The following ARMC10 variants were observed in gnomAD, a reference collection of about 807,000 sequenced individuals.
The protein encoded by ARMC10 is armadillo repeat-containing protein 10.
Under a neutral mutation model 30.2 loss-of-function variants are expected in ARMC10, and 23 were observed. The ratio of observed to expected loss-of-function variants is 0.76; its 90% CI spans 0.55 to 1.08. The LOEUF is 1.08. ARMC10 is among the 50% of genes least tolerant of loss of function. The probability of loss-of-function intolerance (pLI) is 0.00; values close to 1 mark genes in which losing one functional copy is unlikely to be tolerated. For synonymous variants in ARMC10, 111 were observed against 164.4 expected, an observed-to-expected ratio of 0.68 and a Z score of 2.48; for missense variants, 303 against 413.7, an observed-to-expected ratio of 0.73 and a Z score of 2.32.
chr7:103,089,576 C>G (rs556890982), intron 4 of ARMC10: 1 of 165,366 alleles, frequency 6.0e-6, no homozygotes, highest in South Asian at 1.7e-4. Context: ...TTCAAACACT[C>G]TAACAGCTCT....
chr7:103,076,701 G>C (rs1460438082), intron 2 of ARMC10, among the ~76,000 whole-genome samples: 2 of 152,110 alleles, frequency 1.3e-5, no homozygotes, highest in African/African-American at 4.8e-5. Flanking sequence ...CGGGCTTGGC[G>C]GTGGGTGCCT....
At chr7:103,084,048 A>T (rs1402068380) in intron 3 of ARMC10, 2 of 1,500,130 alleles carry the variant, frequency 1.3e-6, no homozygotes, top group Non-Finnish European at 1.8e-6. Context: ...GAAGTTGGTC[A>T]CTGGCATCAC....
At chr7:103,078,954 A>G (rs994958384) in intron 2 of ARMC10, among the ~76,000 whole-genome samples, 1 of 152,224 alleles carries the variant, frequency 6.6e-6, no homozygotes, top group Non-Finnish European at 1.5e-5. Context: ...GGCTGCAGTA[A>G]GCTGTGATTG....
At chr7:103,076,053 T>A (rs1415197432) in intron 2 of ARMC10, among the ~76,000 whole-genome samples, 172 bp downstream of exon 2, 1 of 152,194 alleles carries the variant, frequency 6.6e-6, no homozygotes, top group African/African-American at 2.4e-5. Flanking sequence ...ATATCTGCCA[T>A]CCAAGAAACT....
rs953553022 is a variant in ARMC10, at chr7:103,082,430, G to T, written c.245-1252G>T. ...CAAAAAAAAAAAAAAGTACTGTTGA[G>T]TACAGGGTAGAAAATAAAAGTCCTT... On this transcript the variant is annotated intron_variant, in intron 2 of 6. Transcript: ENST00000323716. 2.0e-5 allele frequency among the ~76,000 whole-genome samples: 3 copies of T among 148,716 alleles called. No homozygotes were observed. The East Asian group carries it at 5.9e-4, about 29-fold the overall frequency.
intron 4 of ARMC10, among the ~76,000 whole-genome samples, chr7:103,091,748 G>A (rs1156419825): frequency 6.6e-6 from 1 of 152,192 alleles, no homozygotes; most frequent in Non-Finnish European, 1.5e-5. Flanking sequence ...AAACCGAAAG[G>A]TGGACTAAGA....
Position 103,083,728 on chromosome 7 carries a change from A to G in ARMC10, c.291A>G (p.Gln97=), listed in dbSNP as rs1253379050. 6.2e-7 allele frequency: 1 copy of G among 1,613,494 alleles called. No individual in the cohort carries two copies. The highest frequency in any genetic ancestry group is 8.5e-7 in the Non-Finnish European group (1 of 1,179,418). Reference sequence around the variant, plus strand: ...ATGATGATGTTCTAAATGCTGAACAACTTCAGAAACTCCTTTACCTGCTGG... The same window carrying G: ...ATGATGATGTTCTAAATGCTGAACAGCTTCAGAAACTCCTTTACCTGCTGG... ...GSYDDVLNAE[Q]LQKLLYLLES... The change falls in exon 3 of 7, where the codon CAA becomes CAG. Residue 97 remains glutamine (Q), a synonymous_variant. Transcript: ENST00000323716.
intron 2 of ARMC10, among the ~76,000 whole-genome samples, chr7:103,076,756 A>C (rs1799890327): frequency 6.6e-6 from 1 of 152,126 alleles, no homozygotes; most frequent in African/African-American, 2.4e-5. Context: ...AATCACTTGA[A>C]CCCAGGAGGC....
intron 3 of ARMC10, 133 bp downstream of exon 3, chr7:103,083,963 AAC>A (rs2129521591): frequency 6.8e-7 from 1 of 1,471,000 alleles, no homozygotes; most frequent in African/African-American, 1.4e-5. Flanking sequence ...TTATACTTAA[AAC>A]ATAATGTTTG....
At chr7:103,097,719 C>G (rs900753804) in intron 6 of ARMC10, among the ~76,000 whole-genome samples, 1 of 152,142 alleles carries the variant, frequency 6.6e-6, no homozygotes, top group African/African-American at 2.4e-5. Context: ...TGAGACACAC[C>G]AGTGAGCACA....
chr7:103,083,102 AAGG>A (rs1485651445), intron 2 of ARMC10: 14 of 456,610 alleles, frequency 3.1e-5, no homozygotes, highest in Non-Finnish European at 5.3e-5. Flanking sequence ...TCGTTTTTAA[AAGG>A]AGAAGCAAAA....
chr7:103,087,927 T>C, intron 4 of ARMC10: 1 of 259,534 alleles, frequency 3.9e-6, no homozygotes, highest in Non-Finnish European at 6.0e-6. Flanking sequence ...GTGAGCTTAT[T>C]AATTTCAATA....
chr7:103,081,625 T>A (rs928356927), intron 2 of ARMC10, among the ~76,000 whole-genome samples: 1 of 152,270 alleles, frequency 6.6e-6, no homozygotes, highest in Non-Finnish European at 1.5e-5. Flanking sequence ...TCTGCCCGCC[T>A]CAGCCTCCCA....
At chr7:103,080,778 C>T (rs1388283235) in intron 2 of ARMC10, among the ~76,000 whole-genome samples, 2 of 151,912 alleles carry the variant, frequency 1.3e-5, no homozygotes, top group Admixed American at 6.6e-5. Context: ...CAGGCATGTG[C>T]CACCATGCCT....
In ARMC10 at chr7:103,080,289, C is replaced by T. The variant is rs895978416; in HGVS notation, c.245-3393C>T. ...TGTTGTTTTGAGATGGAGTGTTGCT[C>T]TGTCGCCCAGGCTGGAGTGCTGTGG... On this transcript the variant is annotated intron_variant, in intron 2 of 6. Coordinates refer to ENST00000323716, the MANE Select transcript of ARMC10 (RefSeq NM_031905.5). Among the ~76,000 whole-genome samples the T allele has an allele frequency of 3.9e-5, 6 of 152,196 alleles. 1 individual carries two copies. The highest frequency in any genetic ancestry group is 2.0e-4 in the Admixed American group (3 of 15,276).
At chr7:103,083,173 T>C (rs1256979918) in intron 2 of ARMC10, 1 of 456,622 alleles carries the variant, frequency 2.2e-6, no homozygotes, top group Non-Finnish European at 4.4e-6. Context: ...AACAGCCATA[T>C]GCCAGGTGAC....
In ARMC10 at chr7:103,086,961, T is replaced by G. The variant is rs115212471; in HGVS notation, c.528+197T>G. 9.9e-4 allele frequency: 1,391 copies of G among 1,408,618 alleles called. 17 individuals are homozygous for G. The African/African-American group carries it at 0.018, about 18-fold the overall frequency. The allele number at this position is 1,408,618 out of a possible 1,614,324, so 87.3% of individuals were successfully genotyped here. On this transcript the variant is annotated intron_variant, in intron 4 of 6. Coordinates refer to ENST00000323716, the MANE Select transcript of ARMC10 (RefSeq NM_031905.5). ...AGGTACAATAAGACTTTTGTTTCAGTAAAATAATGCTTGTTTATTCTACAG... is the reference window on the plus strand; with the variant it reads ...AGGTACAATAAGACTTTTGTTTCAGGAAAATAATGCTTGTTTATTCTACAG...
chr7:103,096,351 C>G (rs1323006601), intron 5 of ARMC10: 3 of 152,142 alleles, frequency 2.0e-5, no homozygotes, highest in Non-Finnish European at 2.9e-5. Context: ...ATCAACCGAT[C>G]TATCAGTTTT....
At chr7:103,096,325 A>AC (rs1801756678) in intron 5 of ARMC10, 2 of 152,086 alleles carry the variant, frequency 1.3e-5, no homozygotes, top group South Asian at 2.1e-4. Flanking sequence ...ATATAGTGAG[A>AC]CCCCCATCTC....
Sources: allele counts gnomAD v4.1 joint callset (sites outside exome capture counted in the v4.1 genomes callset), GRCh38; gene constraint gnomAD v4.1.1; transcripts MANE v1.5; gene names NCBI Gene and HGNC (gene_info 2026-07-23, HGNC 2026-07-21).